The following DISP1 variants were observed in gnomAD, a reference collection of about 807,000 sequenced individuals.
DISP1 encodes the protein dispatched RND transporter family member 1.
DISP1 carries 30 observed loss-of-function variants against 37.3 expected under a neutral mutation model. That is an observed-to-expected ratio of 0.80 (90% CI 0.60 to 1.09). The LOEUF (loss-of-function observed/expected upper bound fraction) is 1.09. Ranked by LOEUF, DISP1 falls within the 50% of genes least tolerant of loss-of-function variation. The probability of loss-of-function intolerance (pLI) is 0.00; values close to 1 mark genes in which losing one functional copy is unlikely to be tolerated. For synonymous variants in DISP1, 634 were observed against 690.2 expected (o/e 0.92, Z 1.28); for missense variants, 1,598 against 1,879.5 (o/e 0.85, Z 2.77).
chr1:222,826,047 G>A (rs146308280), intron 1 of DISP1, among the ~76,000 whole-genome samples: 16 of 152,294 alleles, frequency 1.1e-4, no homozygotes, highest in African/African-American at 3.4e-4. Context: ...GACTGTAGGT[G>A]TGTACCACCA....
intron 1 of DISP1, among the ~76,000 whole-genome samples, chr1:222,917,534 A>G (rs755867752): frequency 2.0e-5 from 3 of 152,324 alleles, no homozygotes; most frequent in Non-Finnish European, 2.9e-5. Context: ...TCAGGGTAAC[A>G]TGGGGAAGAA....
intron 2 of DISP1, among the ~76,000 whole-genome samples, chr1:222,936,852 G>GATATATAATTTATATATCATATATATT (rs1673874505): frequency 1.7e-4 from 7 of 42,088 alleles, no homozygotes; most frequent in South Asian, 9.0e-4. Flanking sequence ...TCATATATAT[G>GATATATAATTTATATATCATATATATT]ATATATAATT....
intron 3 of DISP1, among the ~76,000 whole-genome samples, chr1:222,949,211 A>G (rs546155641): frequency 2.4e-4 from 37 of 152,204 alleles, no homozygotes; most frequent in African/African-American, 8.9e-4. Flanking sequence ...CTGGCCAGCA[A>G]TGGCGAAACC....
At chr1:222,827,367 G>A (rs1349167227) in intron 1 of DISP1, 4 of 152,144 alleles carry the variant, frequency 2.6e-5, no homozygotes, top group African/African-American at 7.2e-5. Context: ...AAAAGGGGTA[G>A]GGGCATGGAT....
intron 3 of DISP1, among the ~76,000 whole-genome samples, chr1:222,944,041 G>A (rs1163773306): frequency 6.6e-6 from 1 of 151,784 alleles, no homozygotes; most frequent in Non-Finnish European, 1.5e-5. Context: ...CAAGAAAAAA[G>A]AAACAACAAC....
At chr1:222,934,367 T>A (rs1294635546) in intron 2 of DISP1, among the ~76,000 whole-genome samples, 1 of 152,070 alleles carries the variant, frequency 6.6e-6, no homozygotes, top group Non-Finnish European at 1.5e-5. Context: ...TTAAAAAAAA[T>A]TTTAATAGCC....
chr1:222,952,077 T>C (rs1237645904), intron 3 of DISP1, among the ~76,000 whole-genome samples: 1 of 152,218 alleles, frequency 6.6e-6, no homozygotes, highest in Non-Finnish European at 1.5e-5. Flanking sequence ...AGTGAAACAA[T>C]CATTTCTCTT....
In DISP1 at chr1:222,865,072, G is replaced by A. The variant is rs572646351; in HGVS notation, c.-159+49994G>A. Among the ~76,000 whole-genome samples the A allele has an allele frequency of 2.2e-3, 336 of 151,744 alleles. 4 individuals are homozygous for A. The highest frequency in any genetic ancestry group is 7.8e-3 in the African/African-American group (322 of 41,286). ...TTTTCCTTAAACCTCAGGAAACGTG[G>A]TATATTTTTCTCTCTGATGTAATTC... On this transcript the variant is annotated intron_variant, in intron 1 of 8. Transcript: ENST00000675850.
rs191124016 is a variant in DISP1, at chr1:222,922,331, A to G, written c.-158-6099A>G. ...GTTGCTTAGATAAGGTAGAAAAGGT[A>G]GGAGACCATAGATAGGGTCACATCT... On this transcript the variant is annotated intron_variant, in intron 1 of 8. Coordinates refer to ENST00000675850, the MANE Select transcript of DISP1 (RefSeq NM_001377229.1). 3.1e-3 allele frequency among the ~76,000 whole-genome samples: 476 copies of G among 152,278 alleles called. 3 individuals are homozygous for G. The highest frequency in any genetic ancestry group is 0.011 in the African/African-American group (460 of 41,548).
At chr1:222,996,942 G>A (rs1235416766) in intron 8 of DISP1, among the ~76,000 whole-genome samples, 1 of 151,978 alleles carries the variant, frequency 6.6e-6, no homozygotes, top group East Asian at 1.9e-4. Flanking sequence ...GTACATGTTA[G>A]ACTCTGAGAC....
At chr1:222,992,488 A>G (rs1678770949) in intron 7 of DISP1, among the ~76,000 whole-genome samples, 1 of 152,330 alleles carries the variant, frequency 6.6e-6, no homozygotes, top group Middle Eastern at 3.4e-3. Context: ...TAATCTGTTG[A>G]ATTATTAAAA....
chr1:222,894,645 C>T (rs1671140620), intron 1 of DISP1, among the ~76,000 whole-genome samples: 1 of 152,156 alleles, frequency 6.6e-6, no homozygotes, highest in Non-Finnish European at 1.5e-5. Flanking sequence ...TGCCTGGGTC[C>T]GCAGCCATGG....
intron 1 of DISP1, among the ~76,000 whole-genome samples, chr1:222,853,527 G>A (rs867811682): frequency 5.3e-5 from 8 of 151,554 alleles, no homozygotes; most frequent in South Asian, 4.2e-4. Context: ...TAAAGAAAAT[G>A]TATATATACA....
rs1409966221 is a variant in DISP1 at position 223,003,437 on chromosome 1, C to T, written c.2040C>T (p.Asn680=). Residue 680 remains asparagine, a synonymous_variant, in exon 9 of 9, where the codon AAC becomes AAT. Transcript: ENST00000675850. The surrounding 1 kb of genome is among the most constrained non-coding windows in gnomAD (Gnocchi z 4.3). The stretch of plus-strand genomic sequence containing the variant: ...AGCCCCAGCAGCAAATATATGATAA[C>T]AAAAGCTGCTGGACAGTGGCTTGCC... The part of the protein sequence containing the change: ...FKKPQQQIYD[N]KSCWTVACQK... 8.1e-6 allele frequency: 13 copies of T among 1,614,006 alleles called. 1 individual carries two copies. Among genetic ancestry groups the T allele is most frequent in the Non-Finnish European group, 1.1e-5 (13 of 1,180,048 alleles).
chr1:222,933,509 C>A (rs1159384469), intron 2 of DISP1, among the ~76,000 whole-genome samples: 1 of 151,870 alleles, frequency 6.6e-6, no homozygotes, highest in Non-Finnish European at 1.5e-5. Flanking sequence ...TCGCTTTCTC[C>A]TAGTTGGCAG....
At chr1:222,972,819 T>A (rs61837500) in intron 3 of DISP1, among the ~76,000 whole-genome samples, 6,937 of 152,238 alleles carry the variant, frequency 0.046, 245 homozygotes, top group Non-Finnish European at 0.069. Flanking sequence ...TTTTTTCTTG[T>A]CTGGAGGTCA....
chr1:222,852,578 C>T (rs761897904), intron 1 of DISP1, among the ~76,000 whole-genome samples: 1 of 152,120 alleles, frequency 6.6e-6, no homozygotes, highest in Non-Finnish European at 1.5e-5. Context: ...TGTAGAACTC[C>T]TCTAAGAAAA....
intron 3 of DISP1, among the ~76,000 whole-genome samples, chr1:222,946,974 C>G (rs1487426793): frequency 6.6e-6 from 1 of 152,116 alleles, no homozygotes; most frequent in Non-Finnish European, 1.5e-5. Flanking sequence ...AATGAGGACT[C>G]ATTATAGATT....
intron 1 of DISP1, among the ~76,000 whole-genome samples, chr1:222,875,912 A>G (rs1212030695): frequency 6.6e-6 from 1 of 151,890 alleles, no homozygotes; most frequent in Non-Finnish European, 1.5e-5. Flanking sequence ...ATTAACATTA[A>G]ATGAGTTTTA....
Sources: allele counts gnomAD v4.1 joint callset (sites outside exome capture counted in the v4.1 genomes callset), GRCh38; gene constraint gnomAD v4.1.1; non-coding constraint Gnocchi (gnomAD v3.1); transcripts MANE v1.5; gene names NCBI Gene and HGNC (gene_info 2026-07-23, HGNC 2026-07-21).